Variants in GRIN3A observed in about 807,000 individuals in gnomAD.
GRIN3A encodes glutamate receptor ionotropic, NMDA 3A.
In GRIN3A, 47 loss-of-function variants were observed where a neutral mutation model predicts 92.4. The ratio of observed to expected loss-of-function variants is 0.51; its 90% CI spans 0.40 to 0.65. GRIN3A has a LOEUF of 0.65. Ranked by LOEUF, GRIN3A falls within the 30% of genes least tolerant of loss-of-function variation. The probability of loss-of-function intolerance (pLI) is 0.00; values close to 1 mark genes in which losing one functional copy is unlikely to be tolerated. For missense variants in GRIN3A, 1,324 were observed against 1,393.1 expected, an observed-to-expected ratio of 0.95 and a Z score of 0.79; for synonymous variants, 527 against 540.6, an observed-to-expected ratio of 0.97 and a Z score of 0.35.
intron 6 of GRIN3A, among the ~76,000 whole-genome samples, chr9:101,581,573 A>C (rs1489243031): frequency 6.6e-6 from 1 of 152,128 alleles, no homozygotes; most frequent in Admixed American, 6.5e-5. Flanking sequence ...AGGACAAGCA[A>C]CAAGATGCCA....
chr9:101,725,171 G>A (rs1588299263), intron 1 of GRIN3A, among the ~76,000 whole-genome samples: 1 of 152,280 alleles, frequency 6.6e-6, no homozygotes, highest in East Asian at 1.9e-4. Flanking sequence ...GAAAAAGAAA[G>A]GGAATATTAT....
chr9:101,640,798 C>T (rs1028320420), intron 3 of GRIN3A, among the ~76,000 whole-genome samples: 3 of 152,138 alleles, frequency 2.0e-5, no homozygotes, highest in Admixed American at 6.5e-5. Context: ...CTGCCTGCTG[C>T]GATCCACGTA....
chr9:101,639,655 C>T (rs184503096), intron 3 of GRIN3A, among the ~76,000 whole-genome samples: 1 of 152,304 alleles, frequency 6.6e-6, no homozygotes, highest in East Asian at 1.9e-4. Flanking sequence ...CTACTCAAAT[C>T]CTCATGGCAT....
intron 3 of GRIN3A, among the ~76,000 whole-genome samples, chr9:101,668,600 A>G (rs565685027): frequency 6.6e-6 from 1 of 152,236 alleles, no homozygotes; most frequent in East Asian, 1.9e-4. Flanking sequence ...TATTTATGCT[A>G]ATGATTTTAT....
chr9:101,684,088 C>T (rs538652841), intron 2 of GRIN3A, among the ~76,000 whole-genome samples: 117 of 147,952 alleles, frequency 7.9e-4, no homozygotes, highest in African/African-American at 2.9e-3. Context: ...TTCCTTCTTC[C>T]TGTCTTTTTC....
intron 3 of GRIN3A, among the ~76,000 whole-genome samples, chr9:101,663,127 G>T (rs1191502597): frequency 6.6e-6 from 1 of 151,734 alleles, no homozygotes; most frequent in East Asian, 1.9e-4. Flanking sequence ...TGCACCTGCA[G>T]CCCCATCCCC....
rs199978325 is a variant in GRIN3A at position 101,617,768 on chromosome 9, G to A, written c.2615-4241C>T. Among the ~76,000 whole-genome samples the A allele has an allele frequency of 5.4e-5, 8 of 148,942 alleles. No homozygotes were observed. The East Asian group carries it at 1.6e-3, about 29-fold the overall frequency. On this transcript the variant is annotated intron_variant, in intron 5 of 8. Coordinates refer to ENST00000361820, the MANE Select transcript of GRIN3A (RefSeq NM_133445.3). ...ACCCACTACTCGTCATCTAGCATTA[G>A]GTATATCTCCCAATGTTATCCCTCC... is the stretch of plus-strand genomic sequence containing the variant.
chr9:101,691,960 T>G (rs1365003130), intron 1 of GRIN3A, among the ~76,000 whole-genome samples: 1 of 152,208 alleles, frequency 6.6e-6, no homozygotes, highest in Admixed American at 6.5e-5. Flanking sequence ...GGATTCATTT[T>G]GAGAATTAAA....
chr9:101,737,794 GGGGGC>G lies in GRIN3A; in HGVS notation c.181_185del (p.Ala61ProfsTer18), dbSNP rs1564156164. On this transcript the variant is annotated frameshift_variant, in exon 1 of 9. Transcript: ENST00000361820. LOFTEE classifies it high-confidence loss of function. ...CGTCCGGAGCGCGGCTGGCCGCGCG[GGGGGC>G]GGTGGTCCAGGGCTGCAAGTGCACC... 1 of 1,529,958 alleles carries G rather than the reference GGGGGC, an allele frequency of 6.5e-7. No homozygotes were observed. The highest frequency in any genetic ancestry group is 1.2e-5 in the South Asian group (1 of 83,438). The allele number at this position is 1,529,958 out of a possible 1,614,324, so 94.8% of individuals were successfully genotyped here. A position where few individuals can be genotyped will look rare whatever the true frequency, so the allele number is the denominator to read the frequency against.
At chr9:101,582,788 C>T (rs1186275255) in intron 6 of GRIN3A, among the ~76,000 whole-genome samples, 3 of 152,060 alleles carry the variant, frequency 2.0e-5, no homozygotes, top group Admixed American at 1.3e-4. Flanking sequence ...TAAGACACTG[C>T]CAAGATGAGG....
intron 3 of GRIN3A, among the ~76,000 whole-genome samples, chr9:101,650,334 C>T (rs748527830): frequency 5.9e-5 from 9 of 152,022 alleles, no homozygotes; most frequent in Non-Finnish European, 1.2e-4. Context: ...AGCCATGTGA[C>T]TTGCTAGTAG....
At chr9:101,737,175 G>T in intron 1 of GRIN3A, 106 bp downstream of exon 1, 2 of 893,848 alleles carry the variant, frequency 2.2e-6, no homozygotes, top group Non-Finnish European at 1.8e-6. Context: ...AAGTTATAAA[G>T]TAACAACTCC....
chr9:101,663,991 C>G (rs955163429), intron 3 of GRIN3A, among the ~76,000 whole-genome samples: 2 of 151,738 alleles, frequency 1.3e-5, no homozygotes, highest in African/African-American at 4.8e-5. Flanking sequence ...TCAGCTGAGC[C>G]AGTTCAACTC....
chr9:101,605,151 T>A (rs1291991964), intron 6 of GRIN3A, among the ~76,000 whole-genome samples: 1 of 152,182 alleles, frequency 6.6e-6, no homozygotes, highest in Non-Finnish European at 1.5e-5. Context: ...TCACAGCATC[T>A]CTTTGCTGGC....
chr9:101,692,114 C>A (rs1436229910), intron 1 of GRIN3A, among the ~76,000 whole-genome samples: 1 of 152,098 alleles, frequency 6.6e-6, no homozygotes, highest in Non-Finnish European at 1.5e-5. Flanking sequence ...TTTGCTCCTT[C>A]TCCTTTTTCT....
intron 1 of GRIN3A, among the ~76,000 whole-genome samples, chr9:101,695,930 T>TCC (rs1829678758): frequency 6.6e-6 from 1 of 152,190 alleles, no homozygotes; most frequent in East Asian, 1.9e-4. Context: ...CTTGCCAGTG[T>TCC]TAGGTACTTG....
At chr9:101,644,463 A>AAAAAT (rs58140710) in intron 3 of GRIN3A, among the ~76,000 whole-genome samples, 1,836 of 137,682 alleles carry the variant, frequency 0.013, 37 homozygotes, top group African/African-American at 0.06. Context: ...AGTCACTCAA[A>AAAAAT]AAAAAAAAAA....
At chr9:101,615,469 G>T (rs62577380) in intron 5 of GRIN3A, among the ~76,000 whole-genome samples, 21,538 of 137,866 alleles carry the variant, frequency 0.16, 3,054 homozygotes, top group African/African-American at 0.4. Flanking sequence ...CCATTCTCCC[G>T]CCTCAGCCTC....
At chr9:101,625,230 A>G (rs1828615877) in intron 4 of GRIN3A, among the ~76,000 whole-genome samples, 2 of 152,170 alleles carry the variant, frequency 1.3e-5, no homozygotes, top group South Asian at 4.1e-4. Context: ...AGGATTTTCT[A>G]CCCTTAGAGT....
Sources: gnomAD v4.1 joint callset for allele counts (sites outside exome capture counted in the v4.1 genomes callset) on GRCh38, gnomAD v4.1.1 for gene constraint, MANE v1.5 for transcripts, NCBI Gene and HGNC (gene_info 2026-07-23, HGNC 2026-07-21) for gene names.